The following FMN1 variants were observed in gnomAD, a reference collection of about 807,000 sequenced individuals.
The protein encoded by FMN1 is formin 1.
A neutral mutation model predicts 132.4 loss-of-function variants in FMN1; 110 were observed. The observed-to-expected ratio is 0.83, with a 90% CI of 0.71 to 0.97. FMN1 has a LOEUF of 0.97. FMN1 is among the 50% of genes least tolerant of loss of function. The probability of loss-of-function intolerance (pLI) is 0.00; values close to 1 mark genes in which losing one functional copy is unlikely to be tolerated. For missense variants in FMN1, 1,792 were observed against 1,705.3 expected (o/e 1.05, Z -0.90); for synonymous variants, 722 against 651.7 (o/e 1.11, Z -1.64).
At chr15:32,923,945 T>C (rs2060893673) in intron 10 of FMN1, among the ~76,000 whole-genome samples, 1 of 129,854 alleles carries the variant, frequency 7.7e-6, no homozygotes. Context: ...ACCAGGCTCA[T>C]GGAGACCACT....
chr15:32,955,410 G>A (rs1015766332), intron 9 of FMN1, among the ~76,000 whole-genome samples: 30 of 152,120 alleles, frequency 2.0e-4, no homozygotes, highest in African/African-American at 6.8e-4. Flanking sequence ...ACTTGCAACC[G>A]AAGTATACAT....
intron 16 of FMN1, among the ~76,000 whole-genome samples, chr15:32,878,479 G>A (rs933652717): frequency 6.6e-6 from 1 of 152,152 alleles, no homozygotes; most frequent in African/African-American, 2.4e-5. Flanking sequence ...AAAAGCAGTA[G>A]GTGTGGAGAT....
At chr15:33,144,062 C>T (rs1964111775) in intron 4 of FMN1, among the ~76,000 whole-genome samples, 1 of 152,158 alleles carries the variant, frequency 6.6e-6, no homozygotes, top group Non-Finnish European at 1.5e-5. Context: ...AATGTGACTT[C>T]ACGTGATTCA....
intron 9 of FMN1, among the ~76,000 whole-genome samples, chr15:32,945,884 C>G (rs1289539467): frequency 6.6e-6 from 1 of 152,164 alleles, no homozygotes; most frequent in Non-Finnish European, 1.5e-5. Context: ...GGGCACCTCA[C>G]ATTTTCCTTT....
At chr15:32,836,216 A>G (rs1182421470) in intron 17 of FMN1, among the ~76,000 whole-genome samples, 4 of 152,080 alleles carry the variant, frequency 2.6e-5, no homozygotes, top group Non-Finnish European at 4.4e-5. Context: ...AAGGGACTAG[A>G]TTTCTGATGT....
chr15:33,171,445 T>C (rs1262254277), intron 3 of FMN1, among the ~76,000 whole-genome samples: 1 of 152,198 alleles, frequency 6.6e-6, no homozygotes, highest in Non-Finnish European at 1.5e-5. Flanking sequence ...ACACATTCTA[T>C]GTATGTAACA....
intron 7 of FMN1, among the ~76,000 whole-genome samples, chr15:32,990,994 G>A (rs1037308820): frequency 3.9e-5 from 6 of 152,076 alleles, no homozygotes; most frequent in South Asian, 2.1e-4. Flanking sequence ...AGATTTGGGC[G>A]GGGACACAGC....
At chr15:33,097,633 G>A (rs554927648) in intron 4 of FMN1, among the ~76,000 whole-genome samples, 37 of 152,232 alleles carry the variant, frequency 2.4e-4, no homozygotes, top group Admixed American at 7.8e-4. Context: ...AAAAATAGTG[G>A]GGAGGAGGGC....
intron 5 of FMN1, chr15:33,067,771 T>C: frequency 6.2e-7 from 1 of 1,613,962 alleles, no homozygotes; most frequent in Non-Finnish European, 8.5e-7. Flanking sequence ...TAAACCCAAA[T>C]AGGGATTTCA....
Position 32,937,686 on chromosome 15 carries a change from G to A in FMN1, c.3139-11425C>T, listed in dbSNP as rs762860973. ...ACAAAGTGGCTCATATGGACATGTTGGTAGTGAGAGTAAGAGCAGACTGAT... is the reference window on the plus strand; with the variant it reads ...ACAAAGTGGCTCATATGGACATGTTAGTAGTGAGAGTAAGAGCAGACTGAT... On this transcript the variant is annotated intron_variant, in intron 9 of 20. Coordinates refer to ENST00000616417, the MANE Select transcript of FMN1 (RefSeq NM_001277313.2). Among the ~76,000 whole-genome samples, 6 of 152,326 alleles carry A rather than the reference G, an allele frequency of 3.9e-5. No individual in the cohort carries two copies. In the South Asian group the frequency reaches 6.2e-4, roughly 16 times the overall value.
At chr15:33,047,895 T>C (rs1381201289) in intron 6 of FMN1, among the ~76,000 whole-genome samples, 1 of 152,064 alleles carries the variant, frequency 6.6e-6, no homozygotes, top group Non-Finnish European at 1.5e-5. Flanking sequence ...ACTTAGAAAC[T>C]AGTAAATGAA....
intron 6 of FMN1, chr15:33,062,700 A>T (rs964712775): frequency 1.3e-5 from 2 of 152,190 alleles, no homozygotes; most frequent in African/African-American, 4.8e-5. Flanking sequence ...TTTCCACATT[A>T]AATTCATAGG....
intron 17 of FMN1, among the ~76,000 whole-genome samples, chr15:32,850,145 ACTT>A (rs1241072457): frequency 4.6e-5 from 7 of 152,182 alleles, no homozygotes; most frequent in Admixed American, 2.0e-4. Context: ...CTCTAGCCAT[ACTT>A]CTTCTTTCCA....
At chr15:33,151,490 A>G in intron 4 of FMN1, 1 of 1,079,798 alleles carries the variant, frequency 9.3e-7, no homozygotes, top group Non-Finnish European at 1.3e-6. Context: ...CTCCAACAGA[A>G]ACTGAATGTG....
rs151064434 is a variant in FMN1 at position 32,875,485 on chromosome 15, G to T, written c.3835+12687C>A. Among the ~76,000 whole-genome samples the T allele has an allele frequency of 6.2e-3, 949 of 151,922 alleles. 3 individuals carry two copies. The highest frequency in any genetic ancestry group is 0.011 in the Non-Finnish European group (747 of 68,018). On this transcript the variant is annotated intron_variant, in intron 16 of 20. Coordinates refer to ENST00000616417, the MANE Select transcript of FMN1 (RefSeq NM_001277313.2). ...CTACCAGGTGGTTAGGTTAGTAAGT[G>T]GCATGGCAGAGACTGGAACCAGGGC...
chr15:33,010,406 T>G (rs1021708118), intron 6 of FMN1, among the ~76,000 whole-genome samples: 46 of 152,292 alleles, frequency 3.0e-4, no homozygotes, highest in African/African-American at 1.0e-3. Flanking sequence ...TTATGGTGGT[T>G]GTTACATGAA....
chr15:32,812,686 T>C (rs2057923019), intron 17 of FMN1, among the ~76,000 whole-genome samples: 1 of 152,226 alleles, frequency 6.6e-6, no homozygotes, highest in African/African-American at 2.4e-5. Flanking sequence ...TTTTGGAGCA[T>C]TTTGCATTTT....
intron 6 of FMN1, among the ~76,000 whole-genome samples, chr15:33,034,568 C>T (rs1036575880): frequency 2.0e-5 from 3 of 152,136 alleles, no homozygotes; most frequent in African/African-American, 7.2e-5. Context: ...CAGAGAGAGA[C>T]CTTGTCTCAA....
At position 32,796,398 on chromosome 15, in the gene FMN1, CA is replaced by C. The variant is rs1250272473; in HGVS notation, c.4130+2405del. Reference sequence around the variant, plus strand: ...GAGTTGAATTTTTCTGATGAGATCCCAAACTAGTTTTTTTCTTTATAATTAC... The same window carrying C: ...GAGTTGAATTTTTCTGATGAGATCCCAACTAGTTTTTTTCTTTATAATTAC... On this transcript the variant is annotated intron_variant, in intron 19 of 20. Transcript: ENST00000616417. Among the ~76,000 whole-genome samples the C allele has an allele frequency of 3.3e-5, 5 of 152,258 alleles. No individual in the cohort carries two copies. The East Asian group carries it at 9.6e-4, about 29-fold the overall frequency.
Sources: allele counts gnomAD v4.1 joint callset (sites outside exome capture counted in the v4.1 genomes callset), GRCh38; gene constraint gnomAD v4.1.1; transcripts MANE v1.5; gene names NCBI Gene and HGNC (gene_info 2026-07-23, HGNC 2026-07-21).